MED16: variants seen among roughly 807,000 people sequenced by gnomAD.
MED16 encodes the protein mediator complex subunit 16, also known as mediator of RNA polymerase II transcription subunit 16.
In MED16, 81 loss-of-function variants were observed where a neutral mutation model predicts 84.4. That is an observed-to-expected ratio of 0.96 (90% CI 0.80 to 1.15). The LOEUF (loss-of-function observed/expected upper bound fraction) is 1.15. Ranked by LOEUF, MED16 falls within the 50% of genes most tolerant of loss-of-function variation. The probability of loss-of-function intolerance (pLI) is 0.00; values close to 1 mark genes in which losing one functional copy is unlikely to be tolerated. For missense variants in MED16, 1,585 were observed against 1,245.9 expected (o/e 1.27, Z -4.10); for synonymous variants, 897 against 552.2 (o/e 1.62, Z -8.76).
chr19:885,017 G>A lies in MED16; in HGVS notation c.880-9C>T, dbSNP rs765147373. The A allele has an allele frequency of 1.2e-5, 19 of 1,586,118 alleles. No individual in the cohort carries two copies. The highest frequency in any genetic ancestry group is 2.3e-5 in the East Asian group (1 of 44,066). ...GACGCGCACAAAAGCACCTGCGGGG[G>A]AGGTGGGGGTGAGGGCTGACCCGGC... On this transcript the variant is annotated splice_polypyrimidine_tract_variant and intron_variant, in intron 5 of 15. Coordinates refer to ENST00000325464, the MANE Select transcript of MED16 (RefSeq NM_005481.3).
At position 871,184 on chromosome 19, in the gene MED16, TGGCTGGGCAGCA is replaced by T; in HGVS notation, c.2156_2167del (p.Leu719_Ser722del). The T allele has an allele frequency of 6.5e-7, 1 of 1,549,920 alleles. No homozygotes were observed. The highest frequency in any genetic ancestry group is 8.7e-7 in the Non-Finnish European group (1 of 1,146,568). ...CCAGTCCAGGCTGGGGATAAGCAGC[TGGCTGGGCAGCA>T]GGCAGCATTCATCCACCAGCGCCTC... On this transcript the variant is annotated inframe_deletion, in exon 13 of 16. Coordinates refer to ENST00000325464, the MANE Select transcript of MED16 (RefSeq NM_005481.3).
At chr19:885,588 C>A (rs555719644) in intron 5 of MED16, among the ~76,000 whole-genome samples, 182 bp downstream of exon 5, 1 of 152,112 alleles carries the variant, frequency 6.6e-6, no homozygotes, top group East Asian at 1.9e-4. Flanking sequence ...AGGGATTGGG[C>A]GCCTCCAGAT....
chr19:871,542 G>A lies in MED16; in HGVS notation c.2099-289C>T, dbSNP rs532308414. Reference sequence around the variant, plus strand: ...GCCTTTTCCAGACACTGGGATGTAAGAATGACACAGCTCACCCTCCTCACA... The same window carrying A: ...GCCTTTTCCAGACACTGGGATGTAAAAATGACACAGCTCACCCTCCTCACA... On this transcript the variant is annotated intron_variant, in intron 12 of 15. Transcript: ENST00000325464. 4.0e-5 allele frequency: 63 copies of A among 1,581,686 alleles called. No homozygotes were observed. The East Asian group carries it at 8.9e-4, about 22-fold the overall frequency.
At chr19:882,943 A>G (rs2930892) in intron 6 of MED16, among the ~76,000 whole-genome samples, 80,777 of 152,044 alleles carry the variant, frequency 0.53, 22,916 homozygotes, top group African/African-American at 0.74. Flanking sequence ...TGAGACGCCC[A>G]GAGGGCACAC....
At chr19:869,879 C>T (rs1013218378) in intron 13 of MED16, among the ~76,000 whole-genome samples, 2 of 152,148 alleles carry the variant, frequency 1.3e-5, no homozygotes, top group Non-Finnish European at 2.9e-5. Flanking sequence ...AATCCTGACT[C>T]GGCCACTTCC....
Position 889,622 on chromosome 19 carries a change from C to T in MED16, c.447+16G>A, listed in dbSNP as rs200953187. 1.4e-5 allele frequency: 22 copies of T among 1,598,908 alleles called. No individual in the cohort carries two copies. Among genetic ancestry groups the T allele is most frequent in the Middle Eastern group, 1.7e-4 (1 of 6,018 alleles). On this transcript the variant is annotated intron_variant, in intron 4 of 15. Transcript: ENST00000325464. ...ATCTCATCTGCCTCATCCGCTCACTCGGGCAGGACACTCACCTTCTCCACG... is the reference window on the plus strand; with the variant it reads ...ATCTCATCTGCCTCATCCGCTCACTTGGGCAGGACACTCACCTTCTCCACG...
chr19:875,072 G>A (rs1331444058), intron 10 of MED16, among the ~76,000 whole-genome samples, 172 bp downstream of exon 10: 2 of 152,204 alleles, frequency 1.3e-5, no homozygotes, highest in African/African-American at 4.8e-5. Context: ...GCTGAGGCAG[G>A]AGAATCACTT....
chr19:871,948 C>T lies in MED16; in HGVS notation c.2076G>A (p.Leu692=), dbSNP rs776462593. The change falls in exon 12 of 16, where the codon CTG becomes CTA. Residue 692 remains leucine (L), a synonymous_variant. Coordinates refer to ENST00000325464, the MANE Select transcript of MED16 (RefSeq NM_005481.3). The stretch of plus-strand genomic sequence containing the variant: ...CACAGCAGATCCAGAGCTTGGTGAG[C>T]AGGCGGAAGAGCAGGGACATGCTGT... ...TQDSMSLLFR[L]LTKLWICCRD... 1.3e-6 allele frequency: 2 copies of T among 1,584,984 alleles called. No individual in the cohort carries two copies. Among genetic ancestry groups the T allele is most frequent in the African/African-American group, 1.5e-5 (1 of 68,886 alleles).
chr19:868,921 G>A lies in MED16; in HGVS notation c.2341C>T (p.His781Tyr), dbSNP rs1293102844. Residue 781 changes from histidine to tyrosine, a missense_variant, in exon 14 of 16, where the codon CAC (histidine) becomes TAC (tyrosine). His to Tyr is a moderately conservative substitution (Grantham distance 83). Coordinates refer to ENST00000325464, the MANE Select transcript of MED16 (RefSeq NM_005481.3). Reference protein sequence around the residue: ...ARAPGQPKIDHLRRLHLGACP... With the variant: ...ARAPGQPKIDYLRRLHLGACP... ...GCGCCAAGGTGCAGCCTCCGCAGGT[G>A]GTCGATCTTGGGCTGGCCTGGGGCC... 6 of 1,548,824 alleles carry A rather than the reference G, an allele frequency of 3.9e-6. No homozygotes were observed. The highest frequency in any genetic ancestry group is 2.4e-5 in the East Asian group (1 of 42,430).
chr19:884,435 C>T (rs969209977), intron 6 of MED16, among the ~76,000 whole-genome samples: 6 of 151,918 alleles, frequency 3.9e-5, no homozygotes, highest in African/African-American at 1.2e-4. Flanking sequence ...GGGTGGGGGG[C>T]GTGTTCTCAG....
intron 7 of MED16, 106 bp from the exon 8 acceptor site, chr19:880,254 A>AG: frequency 1.9e-6 from 2 of 1,053,770 alleles, no homozygotes; most frequent in African/African-American, 1.7e-5. Flanking sequence ...CTGCCCATCC[A>AG]GGGGGTCAGC....
chr19:881,132 C>T (rs2036412887), intron 7 of MED16, among the ~76,000 whole-genome samples: 6 of 152,012 alleles, frequency 3.9e-5, no homozygotes, highest in Admixed American at 3.9e-4. Flanking sequence ...GCCGACTTGT[C>T]CACATTTTAC....
intron 6 of MED16, among the ~76,000 whole-genome samples, chr19:882,352 A>T (rs1568329396): frequency 6.6e-6 from 1 of 151,958 alleles, no homozygotes; most frequent in Non-Finnish European, 1.5e-5. Flanking sequence ...CTACAAAAAA[A>T]ACACAGTAAA....
At position 871,562 on chromosome 19, in the gene MED16, C is replaced by T. The variant is rs1466183897; in HGVS notation, c.2099-309G>A. The T allele has an allele frequency of 1.1e-5, 17 of 1,593,108 alleles. No individual in the cohort carries two copies. In the East Asian group the frequency reaches 3.8e-4, roughly 36 times the overall value. The stretch of plus-strand genomic sequence containing the variant: ...TGTAAGAATGACACAGCTCACCCTC[C>T]TCACATACACACAACCCGACAAGGA... On this transcript the variant is annotated intron_variant, in intron 12 of 15. Coordinates refer to ENST00000325464, the MANE Select transcript of MED16 (RefSeq NM_005481.3).
At position 891,156 on chromosome 19, in the gene MED16, G is replaced by T. The variant is rs73505595; in HGVS notation, c.-18-7C>A. ...TGAGGGCAGTCACCAGCTCCTGCGG[G>T]AGGGAGGTGTGGTGGGACGTCTATG... is the stretch of plus-strand genomic sequence containing the variant. On this transcript the variant is annotated splice_polypyrimidine_tract_variant and splice_region_variant and intron_variant, in intron 1 of 15. Coordinates refer to ENST00000325464, the MANE Select transcript of MED16 (RefSeq NM_005481.3). 5,578 of 1,601,986 alleles carry T rather than the reference G, an allele frequency of 3.5e-3. 155 individuals carry two copies. The African/African-American group carries it at 0.065, about 19-fold the overall frequency.
At position 891,062 on chromosome 19, in the gene MED16, A is replaced by C; in HGVS notation, c.70T>G (p.Trp24Gly). 1 of 1,614,042 alleles carries C rather than the reference A, an allele frequency of 6.2e-7. No homozygotes were observed. The highest frequency in any genetic ancestry group is 8.5e-7 in the Non-Finnish European group (1 of 1,180,004). The change falls in exon 2 of 16, where the codon TGG (tryptophan) becomes GGG (glycine). Residue 24 changes from tryptophan to glycine, a missense_variant. Coordinates refer to ENST00000325464, the MANE Select transcript of MED16 (RefSeq NM_005481.3). ...DLAYVCEWEK[W>G]SKSTHCPSVP... ...GATGGGCAGTGGGTGCTCTTGGACCATTTCTCCCACTCACAGACGTAGGCC... is the reference window on the plus strand; with the variant it reads ...GATGGGCAGTGGGTGCTCTTGGACCCTTTCTCCCACTCACAGACGTAGGCC...
chr19:873,241 T>TAGGGGTGGGACTCCAACC (rs1362193681), intron 11 of MED16, among the ~76,000 whole-genome samples: 1 of 113,904 alleles, frequency 8.8e-6, no homozygotes, highest in Non-Finnish European at 1.8e-5. Context: ...GGACTCCAAG[T>TAGGGGTGGGACTCCAACC]AGGGGTGGGA....
chr19:870,907 G>A (rs1372541658), intron 13 of MED16, 130 bp downstream of exon 13: 42 of 917,766 alleles, frequency 4.6e-5, no homozygotes, highest in Non-Finnish European at 9.7e-6. Flanking sequence ...ATGGAGGCGG[G>A]GAGCCGTGTG....
At chr19:870,031 C>A (rs1300605469) in intron 13 of MED16, among the ~76,000 whole-genome samples, 2 of 152,198 alleles carry the variant, frequency 1.3e-5, no homozygotes. Context: ...TTGGGTTGCC[C>A]AAACCCCGCA....
Sources: gnomAD v4.1 joint callset for allele counts (sites outside exome capture counted in the v4.1 genomes callset) on GRCh38, gnomAD v4.1.1 for gene constraint, MANE v1.5 for transcripts, NCBI Gene and HGNC (gene_info 2026-07-23, HGNC 2026-07-21) for gene names.